The following CDKL5 variants were observed in gnomAD, a reference collection of about 807,000 sequenced individuals.
CDKL5 encodes cyclin dependent kinase like 5.
In CDKL5, 8 loss-of-function variants were observed where a neutral mutation model predicts 61.7. The ratio of observed to expected loss-of-function variants is 0.13; its 90% CI spans 0.08 to 0.23. The LOEUF (loss-of-function observed/expected upper bound fraction) is 0.23. Among genes scored for constraint, CDKL5 ranks in the 10% least tolerant of loss-of-function variants. CDKL5 has a pLI of 1.00. For missense variants in CDKL5, 440 were observed against 734.5 expected (o/e 0.60, Z 4.63); for synonymous variants, 275 against 272.3 (o/e 1.01, Z -0.10).
At chrX:18,481,627 G>A (rs1460080402) in intron 1 of CDKL5, among the ~76,000 whole-genome samples, 1 of 107,211 alleles carries the variant, frequency 9.3e-6, no homozygotes, top group Non-Finnish European at 1.9e-5. Flanking sequence ...CTCCCAAAGT[G>A]CTAGGATTAC....
chrX:18,608,437 C>G (rs972167224), intron 12 of CDKL5, among the ~76,000 whole-genome samples: 1 of 111,977 alleles, frequency 8.9e-6, no homozygotes, highest in Non-Finnish European at 1.9e-5. Flanking sequence ...TTGGAGAACT[C>G]AGACTTAAAA....
chrX:18,520,141 A>G (rs1293534707), intron 3 of CDKL5, among the ~76,000 whole-genome samples: 3 of 112,253 alleles, frequency 2.7e-5, no homozygotes, highest in Non-Finnish European at 5.6e-5. Flanking sequence ...GTATACAAGT[A>G]TGTGACATTG....
chrX:18,588,280 ATATTT>A (rs1354410664), intron 9 of CDKL5, 137 bp downstream of exon 9: 21 of 464,917 alleles, frequency 4.5e-5, no homozygotes. Context: ...CCCTATTATA[ATATTT>A]TATTTCCGAA....
chrX:18,637,720 GTGT>G lies in CDKL5; in HGVS notation c.*8970_*8972del, dbSNP rs1356632477. 1 of 111,644 alleles carries G rather than the reference GTGT, an allele frequency of 9.0e-6. No individual in the cohort carries two copies. Among genetic ancestry groups the G allele is most frequent in the African/African-American group, 3.3e-5 (1 of 30,661 alleles). 9.2% of individuals were successfully genotyped at this position (111,644 alleles called of 1,213,427 possible). A position where few individuals can be genotyped will look rare whatever the true frequency, so the allele number is the denominator to read the frequency against. On this transcript the variant is annotated 3_prime_UTR_variant, in exon 18 of 18. Coordinates refer to ENST00000623535, the MANE Select transcript of CDKL5 (RefSeq NM_001323289.2). ...GGAGGTAATCACAGTACCTACCTCA[GTGT>G]TGTTGTGAAGATTTAATGAGATAAT...
intron 3 of CDKL5, among the ~76,000 whole-genome samples, chrX:18,539,089 T>C (rs969498489): frequency 1.8e-5 from 2 of 111,857 alleles, no homozygotes; most frequent in African/African-American, 6.5e-5. Context: ...GTTTTGTTCC[T>C]GATACTGATG....
intron 17 of CDKL5, 43 bp from the exon 18 acceptor site, chrX:18,628,328 G>T (rs190054201): frequency 8.4e-7 from 1 of 1,185,837 alleles, no homozygotes; most frequent in South Asian, 1.8e-5. Context: ...CCTTATGGTC[G>T]CTCTAACTTG....
chrX:18,594,608 A>G (rs1488580833), intron 9 of CDKL5, among the ~76,000 whole-genome samples: 1 of 112,035 alleles, frequency 8.9e-6, no homozygotes, highest in Non-Finnish European at 1.9e-5. Context: ...TTAAAAAGCT[A>G]TAAGGATTCT....
At chrX:18,540,877 C>T (rs1369862503) in intron 3 of CDKL5, among the ~76,000 whole-genome samples, 3 of 110,285 alleles carry the variant, frequency 2.7e-5, no homozygotes, top group Admixed American at 1.9e-4. Context: ...TTGGTATAGA[C>T]GGGGTTTCAC....
intron 21 of CDKL5, among the ~76,000 whole-genome samples, chrX:18,651,220 AGTGTGTGTGTGTGTGT>A (rs3838188): frequency 8.7e-4 from 57 of 65,188 alleles, no homozygotes; most frequent in South Asian, 2.2e-3. Context: ...GGCAGGAGCA[AGTGTGTGTGTGTGTGT>A]GTGTGTGTGT....
chrX:18,460,263 C>T (rs188543869), intron 1 of CDKL5, among the ~76,000 whole-genome samples: 2 of 110,846 alleles, frequency 1.8e-5, no homozygotes, highest in Non-Finnish European at 3.8e-5. Context: ...CTGGAGGAAG[C>T]GGGGTGCCGT....
At chrX:18,642,096 T>C (rs746925122), downstream of CDKL5, 4 of 1,211,473 alleles carry the variant, frequency 3.3e-6, no homozygotes, top group South Asian at 7.0e-5. Context: ...AAGCGGGAGA[T>C]GATGGGGGGC....
At chrX:18,591,050 T>A (rs749054993) in intron 9 of CDKL5, among the ~76,000 whole-genome samples, 1 of 110,959 alleles carries the variant, frequency 9.0e-6, no homozygotes. Flanking sequence ...CTGCTTCTCC[T>A]GGCAAGGTGC....
intron 1 of CDKL5, chrX:18,426,399 C>A (rs1931369090): frequency 8.9e-6 from 1 of 112,867 alleles, no homozygotes; most frequent in South Asian, 3.6e-4. Flanking sequence ...CCAGAACGAA[C>A]AGGTCCTCCT....
intron 3 of CDKL5, among the ~76,000 whole-genome samples, chrX:18,551,959 C>A (rs759872942): frequency 9.1e-6 from 1 of 109,523 alleles, no homozygotes; most frequent in East Asian, 2.9e-4. Context: ...TTAAAAAAAC[C>A]GAAATGTGGC....
intron 12 of CDKL5, among the ~76,000 whole-genome samples, chrX:18,606,174 TCACACACACACACA>T (rs528800542): frequency 0.016 from 1,532 of 96,861 alleles, 68 homozygotes; most frequent in Admixed American, 0.14. Flanking sequence ...AGCAAGACTG[TCACACACACACACA>T]CACACACACA....
At chrX:18,459,172 T>A (rs1932217683) in intron 1 of CDKL5, among the ~76,000 whole-genome samples, 1 of 112,317 alleles carries the variant, frequency 8.9e-6, no homozygotes, top group South Asian at 3.7e-4. Flanking sequence ...TGTACTTTTT[T>A]AAGAGGGTTT....
chrX:18,604,518 C>T lies in CDKL5; in HGVS notation c.1594C>T (p.Pro532Ser). 1.7e-6 allele frequency: 2 copies of T among 1,211,811 alleles called. No individual in the cohort carries two copies. The highest frequency in any genetic ancestry group is 1.7e-5 in the African/African-American group (1 of 57,793). Reference protein sequence around the residue: ...LDLNSPTSPTPTRHSDTRTLL... With the variant: ...LDLNSPTSPTSTRHSDTRTLL... The stretch of plus-strand genomic sequence containing the variant: ...CTTGAATTCTCCCACCAGCCCAACC[C>T]CCACCAGACACAGTGACACGAGAAC... The change falls in exon 12 of 18, where the codon CCC (proline) becomes TCC (serine). Residue 532 changes from proline (P) to serine (S), a missense_variant. Pro to Ser is a moderately conservative substitution (Grantham distance 74). This residue lies in a region of CDKL5 where 363 missense variants were observed against 516.3 expected (regional missense o/e 0.70). Transcript: ENST00000623535.
At chrX:18,468,693 T>C (rs1920986384) in intron 1 of CDKL5, among the ~76,000 whole-genome samples, 1 of 112,285 alleles carries the variant, frequency 8.9e-6, no homozygotes, top group Non-Finnish European at 1.9e-5. Context: ...AGAGTTCTTT[T>C]ATTAGCATGA....
intron 1 of CDKL5, among the ~76,000 whole-genome samples, chrX:18,502,503 G>A (rs969974558): frequency 9.0e-6 from 1 of 111,430 alleles, no homozygotes; most frequent in Non-Finnish European, 1.9e-5. Flanking sequence ...ATGATATCAG[G>A]AGGGGAGGTC....
Sources: allele counts gnomAD v4.1 joint callset (sites outside exome capture counted in the v4.1 genomes callset), GRCh38; gene constraint gnomAD v4.1.1; regional missense constraint gnomAD v4.1.1; transcripts MANE v1.5; gene names NCBI Gene and HGNC (gene_info 2026-07-23, HGNC 2026-07-21).